PTPN4: variants seen among roughly 807,000 people sequenced by gnomAD.
PTPN4 encodes protein tyrosine phosphatase non-receptor type 4.
A neutral mutation model predicts 135.5 loss-of-function variants in PTPN4; 49 were observed. The ratio of observed to expected loss-of-function variants is 0.36; its 90% CI spans 0.29 to 0.46. The LOEUF is 0.46. Among genes scored for constraint, PTPN4 ranks in the 20% least tolerant of loss-of-function variants. The pLI, the probability that PTPN4 is intolerant of heterozygous loss-of-function variation, is 1.00. For synonymous variants in PTPN4, 333 were observed against 369.9 expected (o/e 0.90, Z 1.14); for missense variants, 860 against 1,101.0 (o/e 0.78, Z 3.10).
At chr2:119,976,860 A>G in intron 26 of PTPN4, 124 bp from the exon 27 acceptor site, 2 of 1,461,796 alleles carry the variant, frequency 1.4e-6, no homozygotes, top group Middle Eastern at 2.5e-4. Context: ...TGGTATCTTT[A>G]TGCAGTTTTG....
chr2:119,968,091 A>G, intron 26 of PTPN4, 119 bp downstream of exon 26: 2 of 874,994 alleles, frequency 2.3e-6, no homozygotes, highest in Non-Finnish European at 3.2e-6. Context: ...GCCATGGTCA[A>G]ATAACCTCTA....
intron 26 of PTPN4, among the ~76,000 whole-genome samples, chr2:119,968,364 G>A (rs928201053): frequency 6.6e-6 from 1 of 152,190 alleles, no homozygotes; most frequent in Admixed American, 6.5e-5. Context: ...CAGGCACAGA[G>A]GAACTTGCTT....
chr2:119,857,087 A>T (rs1320695038), intron 2 of PTPN4, among the ~76,000 whole-genome samples: 3 of 151,810 alleles, frequency 2.0e-5, no homozygotes, highest in East Asian at 2.0e-4. Flanking sequence ...TTATATTTTT[A>T]AATTTTTTTT....
chr2:119,957,613 AT>A (rs977630823), intron 22 of PTPN4, among the ~76,000 whole-genome samples: 9 of 148,876 alleles, frequency 6.0e-5, no homozygotes, highest in Non-Finnish European at 1.0e-4. Context: ...GTAAAGAGGC[AT>A]TTTTTTTTCT....
intron 1 of PTPN4, among the ~76,000 whole-genome samples, chr2:119,807,592 C>T (rs903270953): frequency 2.6e-5 from 4 of 152,064 alleles, no homozygotes; most frequent in Admixed American, 6.6e-5. Flanking sequence ...AATAGCCTAC[C>T]GACCAAAAAA....
At chr2:119,924,136 CAAAAAAAA>C (rs35572826) in intron 12 of PTPN4, among the ~76,000 whole-genome samples, 71 of 77,270 alleles carry the variant, frequency 9.2e-4, no homozygotes, top group Admixed American at 3.5e-3. Context: ...GACTCCGTCT[CAAAAAAAA>C]AAAAAAAAAA....
At chr2:119,873,916 G>A (rs1677949495) in intron 3 of PTPN4, among the ~76,000 whole-genome samples, 1 of 152,100 alleles carries the variant, frequency 6.6e-6, no homozygotes, top group Admixed American at 6.5e-5. Flanking sequence ...ATTTCAAGAT[G>A]TATTAAAACA....
At position 119,802,530 on chromosome 2, in the gene PTPN4, A is replaced by T. The variant is rs568201487; in HGVS notation, c.-17-7307A>T. 5.3e-5 allele frequency among the ~76,000 whole-genome samples: 8 copies of T among 152,328 alleles called. No homozygotes were observed. The East Asian group carries it at 1.3e-3, about 26-fold the overall frequency. ...TGGATTATATTGATTGATTGTTAAA[A>T]TATTGGGTGAACCTTGTTGCACCTT... On this transcript the variant is annotated intron_variant, in intron 1 of 26. Coordinates refer to ENST00000263708, the MANE Select transcript of PTPN4 (RefSeq NM_002830.4).
intron 18 of PTPN4, among the ~76,000 whole-genome samples, chr2:119,948,780 A>T (rs1422393521): frequency 6.6e-6 from 1 of 152,192 alleles, no homozygotes; most frequent in African/African-American, 2.4e-5. Context: ...CGATGGCATT[A>T]TGGAAAAATA....
intron 2 of PTPN4, among the ~76,000 whole-genome samples, chr2:119,824,549 A>G (rs1351706158): frequency 6.6e-6 from 1 of 152,098 alleles, no homozygotes; most frequent in Non-Finnish European, 1.5e-5. Flanking sequence ...CTTCAAGTAT[A>G]ATTGTGCATT....
intron 9 of PTPN4, among the ~76,000 whole-genome samples, chr2:119,897,654 T>A (rs1558758108): frequency 6.6e-6 from 1 of 152,228 alleles, no homozygotes; most frequent in Non-Finnish European, 1.5e-5. Context: ...CTTTCTTTTT[T>A]CATAGTTGCT....
At chr2:119,794,738 G>C (rs1395081017) in intron 1 of PTPN4, among the ~76,000 whole-genome samples, 1 of 152,038 alleles carries the variant, frequency 6.6e-6, no homozygotes, top group African/African-American at 2.4e-5. Context: ...AACGTGGTGG[G>C]CAAGAGGTGT....
chr2:119,872,534 C>T (rs1291230348), intron 3 of PTPN4, among the ~76,000 whole-genome samples: 6 of 152,162 alleles, frequency 3.9e-5, no homozygotes, highest in African/African-American at 9.7e-5. Flanking sequence ...CCTTCACTCC[C>T]GTCACATCTT....
At chr2:119,890,272 CTT>C (rs60831914) in intron 9 of PTPN4, among the ~76,000 whole-genome samples, 1 of 147,574 alleles carries the variant, frequency 6.8e-6, no homozygotes. Context: ...CCTTCTTTGT[CTT>C]TTTTTTTTAA....
chr2:119,970,952 C>T (rs1054955141), intron 26 of PTPN4, among the ~76,000 whole-genome samples: 4 of 152,190 alleles, frequency 2.6e-5, no homozygotes, highest in African/African-American at 7.2e-5. Flanking sequence ...ATCATCAACA[C>T]GTGTTACTGT....
At chr2:119,770,768 C>A (rs1175306312) in intron 1 of PTPN4, among the ~76,000 whole-genome samples, 2 of 152,024 alleles carry the variant, frequency 1.3e-5, no homozygotes, top group Non-Finnish European at 1.5e-5. Context: ...GTTTTAGACC[C>A]TTTTACTTGT....
At chr2:119,957,101 T>G in intron 22 of PTPN4, 24 bp downstream of exon 22, 1 of 1,578,720 alleles carries the variant, frequency 6.3e-7, no homozygotes, top group Non-Finnish European at 8.6e-7. Context: ...TATTATGCCT[T>G]TGCCATTTGG....
At chr2:119,909,744 A>G (rs1301624731) in intron 10 of PTPN4, among the ~76,000 whole-genome samples, 1 of 152,182 alleles carries the variant, frequency 6.6e-6, no homozygotes, top group Non-Finnish European at 1.5e-5. Context: ...TTCATGGTAG[A>G]AGGTCAAAGT....
intron 9 of PTPN4, among the ~76,000 whole-genome samples, chr2:119,892,902 T>C (rs926040386): frequency 3.3e-5 from 5 of 151,604 alleles, no homozygotes; most frequent in African/African-American, 1.2e-4. Context: ...TTTTTTTTTT[T>C]TTTTAAGTGG....
Sources: gnomAD v4.1 joint callset for allele counts (sites outside exome capture counted in the v4.1 genomes callset) on GRCh38, gnomAD v4.1.1 for gene constraint, MANE v1.5 for transcripts, NCBI Gene and HGNC (gene_info 2026-07-23, HGNC 2026-07-21) for gene names.